Variants in NUFIP2 observed in about 807,000 individuals in gnomAD.
NUFIP2 encodes nuclear FMR1 interacting protein 2, also known as FMR1-interacting protein NUFIP2.
NUFIP2 carries 6 observed loss-of-function variants against 56.9 expected under a neutral mutation model. The observed-to-expected ratio is 0.11, with a 90% CI of 0.06 to 0.21. The LOEUF (loss-of-function observed/expected upper bound fraction) is 0.21, where lower values mean the gene tolerates loss of function less well. Ranked by LOEUF, NUFIP2 falls within the 10% of genes least tolerant of loss-of-function variation. NUFIP2 has a pLI of 1.00. For synonymous variants in NUFIP2, 321 were observed against 298.2 expected, an observed-to-expected ratio of 1.08 and a Z score of -0.79; for missense variants, 828 against 826.8, an observed-to-expected ratio of 1.00 and a Z score of -0.02.
rs1395500302 is a variant in NUFIP2 at position 29,263,421 on chromosome 17, C to T, written c.*1118G>A. ...CTCAGAAGTATAGTTTGCATGAAAA[C>T]ACACCTTCTACAGTCAGGGTTTATT... On this transcript the variant is annotated 3_prime_UTR_variant, in exon 4 of 4. Coordinates refer to ENST00000225388, the MANE Select transcript of NUFIP2 (RefSeq NM_020772.3). 6.6e-6 allele frequency: 1 copy of T among 152,548 alleles called. No homozygotes were observed. The highest frequency in any genetic ancestry group is 2.4e-5 in the African/African-American group (1 of 41,418). The allele number at this position is 152,548 out of a possible 1,614,324, so 9.4% of individuals were successfully genotyped here. A position where few individuals can be genotyped will look rare whatever the true frequency, so the allele number is the denominator to read the frequency against.
Position 29,286,672 on chromosome 17 carries a change from T to C in NUFIP2, c.1322A>G (p.Asn441Ser), listed in dbSNP as rs2153012547. 6.2e-7 allele frequency: 1 copy of C among 1,614,134 alleles called. No homozygotes were observed. Among genetic ancestry groups the C allele is most frequent in the South Asian group, 1.1e-5 (1 of 91,076 alleles). The change falls in exon 2 of 4, where the codon AAT becomes AGT. Residue 441 changes from asparagine to serine, a missense_variant. Asn to Ser is a conservative substitution (Grantham distance 46). Around this residue, in one of 3 missense-constraint regions of NUFIP2, gnomAD observed 404 missense variants for 380.3 expected, o/e 1.06. Transcript: ENST00000225388. ...CCCAGAAGAGATGGGTGTTAGAGTA[T>C]TAGCAGCAGTAGTTAGCAGTGGCTG... Reference protein sequence around the residue: ...GGQPLLTTAANTLTPISSGTD... With the variant: ...GGQPLLTTAASTLTPISSGTD...
At chr17:29,293,751 CCCCCTT>C in intron 1 of NUFIP2, 26 bp downstream of exon 1, 22 of 985,032 alleles carry the variant, frequency 2.2e-5, no homozygotes, top group East Asian at 2.8e-5. Flanking sequence ...CCACCCCCAA[CCCCCTT>C]CCCCCACCCG....
At chr17:29,285,950 A>G (rs1422474195) in intron 2 of NUFIP2, 42 bp downstream of exon 2, 3 of 1,431,052 alleles carry the variant, frequency 2.1e-6, no homozygotes, top group African/African-American at 2.9e-5. Flanking sequence ...AATATACTAA[A>G]TTGGCCAATA....
intron 2 of NUFIP2, among the ~76,000 whole-genome samples, chr17:29,285,057 C>T (rs1291415522): frequency 2.6e-5 from 4 of 152,176 alleles, no homozygotes; most frequent in Non-Finnish European, 5.9e-5. Context: ...AATCACAGCA[C>T]TTTGGGAAGC....
chr17:29,283,408 G>A (rs182126487), intron 2 of NUFIP2, among the ~76,000 whole-genome samples: 106 of 152,272 alleles, frequency 7.0e-4, no homozygotes, highest in Non-Finnish European at 1.1e-3. Context: ...TGCAAACATA[G>A]CTCACTGCAG....
chr17:29,284,997 A>G (rs1009717831), intron 2 of NUFIP2, among the ~76,000 whole-genome samples: 1 of 152,174 alleles, frequency 6.6e-6, no homozygotes, highest in Non-Finnish European at 1.5e-5. Flanking sequence ...TTAAAGACGC[A>G]TATGATATAA....
At position 29,268,201 on chromosome 17, in the gene NUFIP2, C is replaced by G. The variant is rs114895197; in HGVS notation, c.2003-671G>C. ...GGCGCGAGCCACTGTGCCAGCCCGG[C>G]TGGCTCTTATAATTCTTAAGTGTCA... On this transcript the variant is annotated intron_variant, in intron 2 of 3. Coordinates refer to ENST00000225388, the MANE Select transcript of NUFIP2 (RefSeq NM_020772.3). 3.4e-3 allele frequency among the ~76,000 whole-genome samples: 524 copies of G among 152,282 alleles called. 2 individuals are homozygous for G. The highest frequency in any genetic ancestry group is 0.012 in the African/African-American group (506 of 41,566).
chr17:29,270,319 C>A (rs2069063947), intron 2 of NUFIP2, among the ~76,000 whole-genome samples: 1 of 126,260 alleles, frequency 7.9e-6, no homozygotes, highest in Non-Finnish European at 1.6e-5. Context: ...TCAATCTAAC[C>A]TGGAGAAAAA....
chr17:29,268,113 G>A (rs961069626), intron 2 of NUFIP2, among the ~76,000 whole-genome samples: 11 of 152,142 alleles, frequency 7.2e-5, no homozygotes, highest in Non-Finnish European at 1.0e-4. Flanking sequence ...TGGCCAGGAT[G>A]GTCTTGAACT....
intron 2 of NUFIP2, among the ~76,000 whole-genome samples, chr17:29,278,335 C>T (rs1000582621): frequency 2.6e-5 from 4 of 152,040 alleles, no homozygotes; most frequent in Non-Finnish European, 5.9e-5. Context: ...CAAGCTCCAC[C>T]TCCCGGGTTC....
At position 29,287,656 on chromosome 17, in the gene NUFIP2, G is replaced by C. The variant is rs1374693163; in HGVS notation, c.338C>G (p.Ser113Cys). The C allele has an allele frequency of 1.9e-6, 3 of 1,613,388 alleles. No homozygotes were observed. The highest frequency in any genetic ancestry group is 2.7e-5 in the African/African-American group (2 of 74,760). Reference sequence around the variant, plus strand: ...GGAAATAGGGTTGGTGGCTTCATCAGAACTCAGGTTCTTTAAAGATATTTC... The same window carrying C: ...GGAAATAGGGTTGGTGGCTTCATCACAACTCAGGTTCTTTAAAGATATTTC... Reference protein sequence around the residue: ...EREISLKNLSSDEATNPISRV... With the variant: ...EREISLKNLSCDEATNPISRV... The change falls in exon 2 of 4, where the codon TCT becomes TGT. Residue 113 changes from serine to cysteine, a missense_variant. This residue lies in a region of NUFIP2 where 415 missense variants were observed against 408.7 expected (regional missense o/e 1.02). Coordinates refer to ENST00000225388, the MANE Select transcript of NUFIP2 (RefSeq NM_020772.3).
At position 29,263,888 on chromosome 17, in the gene NUFIP2, A is replaced by C. The variant is rs1379500107; in HGVS notation, c.*651T>G. 1 of 152,632 alleles carries C rather than the reference A, an allele frequency of 6.6e-6. No homozygotes were observed. The highest frequency in any genetic ancestry group is 1.5e-5 in the Non-Finnish European group (1 of 68,026). The allele number at this position is 152,632 out of a possible 1,614,324, so 9.5% of individuals were successfully genotyped here. A position where few individuals can be genotyped will look rare whatever the true frequency, so the allele number is the denominator to read the frequency against. On this transcript the variant is annotated 3_prime_UTR_variant, in exon 4 of 4. Coordinates refer to ENST00000225388, the MANE Select transcript of NUFIP2 (RefSeq NM_020772.3). ...CCCTATCCCCGCCCCACAAAAAATA[A>C]ATGGAAAGAAATAAAGTATTTCCCC... is the stretch of plus-strand genomic sequence containing the variant.
Position 29,286,874 on chromosome 17 carries a change from A to G in NUFIP2, c.1120T>C (p.Ser374Pro). 6.2e-7 allele frequency: 1 copy of G among 1,614,196 alleles called. No individual in the cohort carries two copies. Among genetic ancestry groups the G allele is most frequent in the South Asian group, 1.1e-5 (1 of 91,086 alleles). Reference protein sequence around the residue: ...ENLNKTIQNSSVSPTSSSSSS... With the variant: ...ENLNKTIQNSPVSPTSSSSSS... ...GATGAAGATGAAGTTGGTGACACAGAAGAGTTCTGTATAGTTTTGTTGAGG... is the reference window on the plus strand; with the variant it reads ...GATGAAGATGAAGTTGGTGACACAGGAGAGTTCTGTATAGTTTTGTTGAGG... Residue 374 changes from serine (S) to proline (P), a missense_variant, in exon 2 of 4, where the codon TCT (serine) becomes CCT (proline). By Grantham distance (74) the Ser-to-Pro change is moderately conservative. Coordinates refer to ENST00000225388, the MANE Select transcript of NUFIP2 (RefSeq NM_020772.3).
chr17:29,292,623 G>A (rs34083754), intron 1 of NUFIP2, among the ~76,000 whole-genome samples: 7,073 of 143,780 alleles, frequency 0.049, 239 homozygotes, highest in South Asian at 0.16. Context: ...CAGGCCTCCT[G>A]CCTCTAGGAG....
intron 1 of NUFIP2, among the ~76,000 whole-genome samples, chr17:29,290,653 CAA>C (rs749932039): frequency 1.4e-4 from 14 of 99,350 alleles, no homozygotes; most frequent in Admixed American, 2.2e-4. Flanking sequence ...GGCTGTGTCT[CAA>C]AAAAAAAAAA....
At position 29,287,672 on chromosome 17, in the gene NUFIP2, A is replaced by T; in HGVS notation, c.322T>A (p.Leu108Ile). 6.2e-7 allele frequency: 1 copy of T among 1,612,892 alleles called. No individual in the cohort carries two copies. The highest frequency in any genetic ancestry group is 8.5e-7 in the Non-Finnish European group (1 of 1,179,666). The change falls in exon 2 of 4, where the codon TTA (leucine) becomes ATA (isoleucine). Residue 108 changes from leucine (L) to isoleucine (I), a missense_variant. Physicochemically the swap from Leu to Ile is conservative, Grantham distance 5. This residue lies in a region of NUFIP2 where 415 missense variants were observed against 408.7 expected (regional missense o/e 1.02). Coordinates refer to ENST00000225388, the MANE Select transcript of NUFIP2 (RefSeq NM_020772.3). ...GCTTCATCAGAACTCAGGTTCTTTA[A>T]AGATATTTCTCTTTCTCCAGCATTA... ...NGNAGEREIS[L>I]KNLSSDEATN...
At chr17:29,275,517 G>C (rs1193485408) in intron 2 of NUFIP2, among the ~76,000 whole-genome samples, 1 of 152,162 alleles carries the variant, frequency 6.6e-6, no homozygotes, top group Non-Finnish European at 1.5e-5. Flanking sequence ...GGAATTTACA[G>C]AGGCAATGTT....
rs1250461809 is a variant in NUFIP2, at chr17:29,262,368, GTCT to G, written c.*2168_*2170del. ...TTTTTCCCTTTAATCAACCTTATAT[GTCT>G]TTTTTTTTAACTTTTTGAAAATTTT... On this transcript the variant is annotated 3_prime_UTR_variant, in exon 4 of 4. Transcript: ENST00000225388. 1 of 151,848 alleles carries G rather than the reference GTCT, an allele frequency of 6.6e-6. No individual in the cohort carries two copies. Among genetic ancestry groups the G allele is most frequent in the Non-Finnish European group, 1.5e-5 (1 of 67,928 alleles). 9.4% of individuals were successfully genotyped at this position (151,848 alleles called of 1,614,324 possible). A position where few individuals can be genotyped will look rare whatever the true frequency, so the allele number is the denominator to read the frequency against.
At chr17:29,281,301 G>A (rs1012179449) in intron 2 of NUFIP2, among the ~76,000 whole-genome samples, 6 of 151,810 alleles carry the variant, frequency 4.0e-5, no homozygotes, top group African/African-American at 7.3e-5. Flanking sequence ...CAGCCAGGGC[G>A]ACAGTGTGAG....
Sources: gnomAD v4.1 joint callset for allele counts (sites outside exome capture counted in the v4.1 genomes callset) on GRCh38, gnomAD v4.1.1 for gene constraint, gnomAD v4.1.1 regional missense constraint, MANE v1.5 for transcripts, NCBI Gene and HGNC (gene_info 2026-07-23, HGNC 2026-07-21) for gene names.